LRRTM4: variants seen among roughly 807,000 people sequenced by gnomAD.
LRRTM4 encodes leucine-rich repeat transmembrane neuronal protein 4.
Under a neutral mutation model 47.6 loss-of-function variants are expected in LRRTM4, and 25 were observed. That is an observed-to-expected ratio of 0.53 (90% CI 0.38 to 0.73). The LOEUF (loss-of-function observed/expected upper bound fraction) is 0.73, where lower values mean the gene tolerates loss of function less well. Among genes scored for constraint, LRRTM4 ranks in the 30% least tolerant of loss-of-function variants. LRRTM4 has a pLI of 0.00. For missense variants in LRRTM4, 638 were observed against 713.4 expected (o/e 0.89, Z 1.20); for synonymous variants, 311 against 269.5 (o/e 1.15, Z -1.51).
intron 3 of LRRTM4, among the ~76,000 whole-genome samples, chr2:77,359,523 TA>T (rs1252698490): frequency 6.6e-6 from 1 of 152,194 alleles, no homozygotes; most frequent in African/African-American, 2.4e-5. Flanking sequence ...TTCTAATTGA[TA>T]AAAAATGTGA....
At chr2:77,326,764 A>G (rs1670792604) in intron 3 of LRRTM4, among the ~76,000 whole-genome samples, 1 of 152,184 alleles carries the variant, frequency 6.6e-6, no homozygotes, top group Admixed American at 6.5e-5. Flanking sequence ...TAGGATCTAT[A>G]GAATCTAACC....
chr2:77,453,573 T>C (rs1220606633), intron 3 of LRRTM4, among the ~76,000 whole-genome samples: 1 of 152,206 alleles, frequency 6.6e-6, no homozygotes, highest in East Asian at 1.9e-4. Flanking sequence ...GATTACACAG[T>C]TGATCCTTAT....
chr2:76,767,010 C>T (rs1340873327), intron 3 of LRRTM4, among the ~76,000 whole-genome samples: 1 of 152,146 alleles, frequency 6.6e-6, no homozygotes, highest in Non-Finnish European at 1.5e-5. Flanking sequence ...TCTGATAACC[C>T]TGCATCTTCA....
At chr2:77,126,651 G>C (rs1671659233) in intron 3 of LRRTM4, among the ~76,000 whole-genome samples, 1 of 152,190 alleles carries the variant, frequency 6.6e-6, no homozygotes, top group African/African-American at 2.4e-5. Context: ...GCGTTGTAAA[G>C]AGAAATGGGA....
chr2:77,521,506 T>TATA (rs1356836789), intron 2 of LRRTM4, among the ~76,000 whole-genome samples, 162 bp downstream of exon 2: 2 of 151,182 alleles, frequency 1.3e-5, no homozygotes, highest in African/African-American at 4.9e-5. Flanking sequence ...AAAAGGAAAA[T>TATA]GATCTAAAAA....
intron 3 of LRRTM4, among the ~76,000 whole-genome samples, chr2:77,042,803 T>A (rs1679082036): frequency 6.6e-6 from 1 of 151,752 alleles, no homozygotes; most frequent in Non-Finnish European, 1.5e-5. Flanking sequence ...CTTCAGGACC[T>A]AAGGCTCCTT....
intron 3 of LRRTM4, among the ~76,000 whole-genome samples, chr2:77,159,759 A>G (rs1672659796): frequency 6.6e-6 from 1 of 152,038 alleles, no homozygotes; most frequent in Non-Finnish European, 1.5e-5. Flanking sequence ...AGGGAACTCT[A>G]TGGAAGTACA....
intron 3 of LRRTM4, among the ~76,000 whole-genome samples, chr2:76,812,466 C>CTTCCCAACACTCTCT (rs1670762473): frequency 6.6e-6 from 1 of 151,966 alleles, no homozygotes; most frequent in Non-Finnish European, 1.5e-5. Context: ...TTGGGAAGGC[C>CTTCCCAACACTCTCT]TGAGAGTGGC....
chr2:76,792,429 A>C (rs779208147), intron 3 of LRRTM4, among the ~76,000 whole-genome samples: 5 of 152,178 alleles, frequency 3.3e-5, no homozygotes, highest in Non-Finnish European at 5.9e-5. Context: ...CTTTCATGCA[A>C]AACACTCTGC....
intron 3 of LRRTM4, among the ~76,000 whole-genome samples, chr2:77,037,313 C>T (rs1371754316): frequency 6.6e-6 from 1 of 151,702 alleles, no homozygotes; most frequent in African/African-American, 2.4e-5. Context: ...ACAAAGTTCA[C>T]ACTAGTGATC....
At chr2:77,193,308 TC>T (rs1399005531) in intron 3 of LRRTM4, among the ~76,000 whole-genome samples, 2 of 152,200 alleles carry the variant, frequency 1.3e-5, no homozygotes, top group Non-Finnish European at 2.9e-5. Flanking sequence ...AAAGCATTTC[TC>T]AGACAATAGT....
At chr2:76,892,118 GT>G (rs1021743435) in intron 3 of LRRTM4, among the ~76,000 whole-genome samples, 1 of 151,512 alleles carries the variant, frequency 6.6e-6, no homozygotes, top group African/African-American at 2.4e-5. Context: ...ATAAATTTAA[GT>G]CCAGTCTTAG....
chr2:77,301,549 T>G (rs1417019351), intron 3 of LRRTM4, among the ~76,000 whole-genome samples: 1 of 152,172 alleles, frequency 6.6e-6, no homozygotes, highest in East Asian at 1.9e-4. Flanking sequence ...GCCATCCTTT[T>G]TATTAACACA....
intron 3 of LRRTM4, among the ~76,000 whole-genome samples, chr2:77,290,715 T>A (rs1180986066): frequency 1.3e-5 from 2 of 151,980 alleles, no homozygotes; most frequent in African/African-American, 4.8e-5. Context: ...AAAAATTAAG[T>A]CCAACCTCTA....
intron 3 of LRRTM4, among the ~76,000 whole-genome samples, chr2:76,812,547 G>C (rs1015565372): frequency 7.2e-5 from 11 of 152,120 alleles, no homozygotes; most frequent in African/African-American, 2.7e-4. Context: ...AATAGGCTCA[G>C]CATGGGTTTG....
chr2:76,797,570 G>C (rs908152543), intron 3 of LRRTM4, among the ~76,000 whole-genome samples: 3 of 151,040 alleles, frequency 2.0e-5, no homozygotes, highest in South Asian at 2.1e-4. Flanking sequence ...ACCAGCAAAA[G>C]AGCGAGCTAA....
At chr2:77,326,999 C>A (rs1474854686) in intron 3 of LRRTM4, among the ~76,000 whole-genome samples, 1 of 152,096 alleles carries the variant, frequency 6.6e-6, no homozygotes, top group African/African-American at 2.4e-5. Flanking sequence ...GTTTCTGCTG[C>A]AGGAAAGGTT....
chr2:76,888,439 A>G (rs973651566), intron 3 of LRRTM4, among the ~76,000 whole-genome samples: 4 of 151,602 alleles, frequency 2.6e-5, no homozygotes, highest in Non-Finnish European at 4.4e-5. Flanking sequence ...TTTAACAGTT[A>G]TTCTCTATTG....
rs913521247 is a variant in LRRTM4, at chr2:77,404,549, G to C, written c.1551+113769C>G. Among the ~76,000 whole-genome samples the C allele has an allele frequency of 2.6e-5, 4 of 152,042 alleles. No homozygotes were observed. In the East Asian group the frequency reaches 7.7e-4, roughly 29 times the overall value. On this transcript the variant is annotated intron_variant, in intron 3 of 3. Transcript: ENST00000409884. ...TATGCAAACTTAAAGTGGCAAAAGA[G>C]GCCCGTAGAAGGACAGGAAAATGCT... is the stretch of plus-strand genomic sequence containing the variant.
Sources: allele counts gnomAD v4.1 joint callset (sites outside exome capture counted in the v4.1 genomes callset), GRCh38; gene constraint gnomAD v4.1.1; transcripts MANE v1.5; gene names NCBI Gene and HGNC (gene_info 2026-07-23, HGNC 2026-07-21).